DGKB: variants seen among roughly 807,000 people sequenced by gnomAD.
DGKB encodes the protein diacylglycerol kinase beta, also known as 90 kDa diacylglycerol kinase.
Under a neutral mutation model 114.3 loss-of-function variants are expected in DGKB, and 67 were observed. That is an observed-to-expected ratio of 0.59 (90% CI 0.48 to 0.72). The LOEUF is 0.72. Among genes scored for constraint, DGKB ranks in the 30% least tolerant of loss-of-function variants. The pLI is 0.00. For missense variants in DGKB, 907 were observed against 975.2 expected (o/e 0.93, Z 0.93); for synonymous variants, 398 against 323.1 (o/e 1.23, Z -2.49).
At chr7:14,501,319 T>C (rs1786134992) in intron 20 of DGKB, among the ~76,000 whole-genome samples, 1 of 151,878 alleles carries the variant, frequency 6.6e-6, no homozygotes, top group Non-Finnish European at 1.5e-5. Context: ...CAAAGTAGCA[T>C]CTCAAGTTAA....
intron 1 of DGKB, among the ~76,000 whole-genome samples, chr7:14,862,532 C>G (rs189703696): frequency 1.2e-4 from 19 of 152,146 alleles, no homozygotes; most frequent in African/African-American, 4.3e-4. Context: ...AGAAAACTGA[C>G]ATGAAGAGTT....
chr7:14,593,881 C>G (rs1236714702), intron 17 of DGKB, among the ~76,000 whole-genome samples: 2 of 151,344 alleles, frequency 1.3e-5, no homozygotes, highest in African/African-American at 2.4e-5. Flanking sequence ...GCCCAGTTCA[C>G]CAGAGCTAGC....
chr7:14,662,513 A>T (rs1817328221), intron 13 of DGKB, among the ~76,000 whole-genome samples: 2 of 151,998 alleles, frequency 1.3e-5, no homozygotes. Flanking sequence ...GCCAGAAGAA[A>T]CCATTCTTCA....
intron 2 of DGKB, among the ~76,000 whole-genome samples, chr7:14,785,159 T>C (rs891595325): frequency 6.6e-6 from 1 of 152,184 alleles, no homozygotes; most frequent in Non-Finnish European, 1.5e-5. Flanking sequence ...TTTTATCACA[T>C]GACTTTCAAA....
intron 23 of DGKB, among the ~76,000 whole-genome samples, chr7:14,332,442 A>C (rs1585178245): frequency 6.6e-6 from 1 of 152,182 alleles, no homozygotes; most frequent in African/African-American, 2.4e-5. Context: ...GGGCTATGCA[A>C]ACACTATCAA....
chr7:14,231,131 C>CTTTCTTTCTTTCTT (rs1791759376), intron 23 of DGKB, among the ~76,000 whole-genome samples: 3 of 125,740 alleles, frequency 2.4e-5, no homozygotes, highest in African/African-American at 8.7e-5. Context: ...TTCTTTCTTT[C>CTTTCTTTCTTTCTT]TTTCTTTCTT....
intron 23 of DGKB, among the ~76,000 whole-genome samples, chr7:14,204,799 G>A (rs1377893113): frequency 6.6e-6 from 1 of 151,990 alleles, no homozygotes; most frequent in South Asian, 2.1e-4. Context: ...GAGAACGTAC[G>A]TTCATGTAGA....
chr7:14,364,679 A>G (rs1489668267), intron 21 of DGKB, among the ~76,000 whole-genome samples: 1 of 151,958 alleles, frequency 6.6e-6, no homozygotes, highest in Non-Finnish European at 1.5e-5. Context: ...TCTGCTTGCA[A>G]ATGAATCATA....
intron 21 of DGKB, among the ~76,000 whole-genome samples, chr7:14,417,854 C>G (rs964520188): frequency 2.6e-5 from 4 of 151,428 alleles, no homozygotes; most frequent in African/African-American, 4.8e-5. Context: ...GGGTTTATAC[C>G]TTGCAGTAAA....
intron 2 of DGKB, among the ~76,000 whole-genome samples, chr7:14,824,270 A>T (rs1845352310): frequency 6.6e-6 from 1 of 151,958 alleles, no homozygotes; most frequent in Non-Finnish European, 1.5e-5. Context: ...TGTTCTCCTC[A>T]TTTTTTTTCT....
In DGKB at chr7:14,864,728, C is replaced by T. The variant is rs142443560; in HGVS notation, c.-187-23278G>A. 8.5e-3 allele frequency among the ~76,000 whole-genome samples: 1,280 copies of T among 150,806 alleles called. 22 individuals are homozygous for T. The highest frequency in any genetic ancestry group is 0.029 in the African/African-American group (1,204 of 41,082). On this transcript the variant is annotated intron_variant, in intron 1 of 25. Coordinates refer to ENST00000402815, the MANE Select transcript of DGKB (RefSeq NM_001350709.2). ...TAAAGACAGAGAAATGTACAACAGT[C>T]GGGGTGTTACAAGCCATGTAATAGG...
intron 4 of DGKB, among the ~76,000 whole-genome samples, chr7:14,749,512 C>T (rs1266001594): frequency 1.3e-5 from 2 of 152,188 alleles, no homozygotes; most frequent in African/African-American, 2.4e-5. Context: ...AAAGATAATG[C>T]TACTACATTC....
intron 4 of DGKB, 48 bp from the exon 5 acceptor site, chr7:14,736,242 T>C (rs760292061): frequency 1.5e-5 from 18 of 1,237,484 alleles, no homozygotes; most frequent in Non-Finnish European, 1.7e-5. Context: ...AACCAAATGT[T>C]AAAATTCTGT....
intron 20 of DGKB, among the ~76,000 whole-genome samples, chr7:14,481,730 T>A (rs1008203755): frequency 2.0e-5 from 3 of 152,070 alleles, no homozygotes; most frequent in East Asian, 1.9e-4. Context: ...TCTTCCTTGT[T>A]TTTGGAGGAA....
At chr7:14,288,409 T>C (rs1450558904) in intron 23 of DGKB, among the ~76,000 whole-genome samples, 1 of 151,852 alleles carries the variant, frequency 6.6e-6, no homozygotes, top group East Asian at 1.9e-4. Flanking sequence ...ATATACTGAA[T>C]TCAAATTCCT....
At chr7:14,961,834 C>T (rs1019663143) in intron 1 of DGKB, among the ~76,000 whole-genome samples, 3 of 152,056 alleles carry the variant, frequency 2.0e-5, no homozygotes, top group Non-Finnish European at 4.4e-5. Context: ...GTGTTACTCT[C>T]CAATAAACTT....
intron 1 of DGKB, among the ~76,000 whole-genome samples, chr7:14,934,970 G>C (rs1785202785): frequency 6.6e-6 from 1 of 152,142 alleles, no homozygotes; most frequent in Non-Finnish European, 1.5e-5. Flanking sequence ...AGAGGCTCCT[G>C]GTTCTGAAAG....
chr7:14,210,474 A>C (rs1787578431), intron 23 of DGKB, among the ~76,000 whole-genome samples: 2 of 151,994 alleles, frequency 1.3e-5, no homozygotes, highest in African/African-American at 4.8e-5. Context: ...TTAAAATCCT[A>C]TTTCTAAATA....
chr7:14,321,452 G>T (rs139654015), intron 23 of DGKB, among the ~76,000 whole-genome samples: 182 of 152,084 alleles, frequency 1.2e-3, no homozygotes, highest in African/African-American at 4.2e-3. Context: ...AACCTGAAAA[G>T]GTGTATCCAT....
Sources: allele counts gnomAD v4.1 joint callset (sites outside exome capture counted in the v4.1 genomes callset), GRCh38; gene constraint gnomAD v4.1.1; transcripts MANE v1.5; gene names NCBI Gene and HGNC (gene_info 2026-07-23, HGNC 2026-07-21).